SVOPL: variants seen among roughly 807,000 people sequenced by gnomAD.
SVOPL encodes SVOP like, also known as putative transporter SVOPL.
A neutral mutation model predicts 61.0 loss-of-function variants in SVOPL; 60 were observed. The ratio of observed to expected loss-of-function variants is 0.98; its 90% CI spans 0.80 to 1.22. The LOEUF (loss-of-function observed/expected upper bound fraction) is 1.22. Among genes scored for constraint, SVOPL ranks in the 50% most tolerant of loss-of-function variants. SVOPL has a pLI of 0.00. For missense variants in SVOPL, 662 were observed against 643.9 expected (o/e 1.03, Z -0.30); for synonymous variants, 279 against 250.0 (o/e 1.12, Z -1.09).
chr7:138,606,806 G>A (rs1040717294), intron 14 of SVOPL, among the ~76,000 whole-genome samples: 3 of 151,864 alleles, frequency 2.0e-5, no homozygotes, highest in Non-Finnish European at 2.9e-5. Context: ...ATACAAAAAT[G>A]AGCCGGGCGT....
intron 1 of SVOPL, among the ~76,000 whole-genome samples, chr7:138,699,907 C>A (rs1803153099): frequency 6.6e-6 from 1 of 152,118 alleles, no homozygotes; most frequent in Non-Finnish European, 1.5e-5. Flanking sequence ...GGGAATTTGC[C>A]AAGAGGGGGA....
intron 6 of SVOPL, among the ~76,000 whole-genome samples, chr7:138,658,029 G>A (rs1012893104): frequency 1.3e-5 from 2 of 152,224 alleles, no homozygotes; most frequent in Non-Finnish European, 2.9e-5. Context: ...ATAATAAGCA[G>A]TGAAGACAAT....
rs549493779 is a variant in SVOPL at position 138,671,911 on chromosome 7, A to G, written c.273+108T>C. ...TGCAAACCCTTGAGTTTTGGAAGCC[A>G]ACAGTGGCAGTGGTGAGACACCCTT... On this transcript the variant is annotated intron_variant, in intron 4 of 15. Coordinates refer to ENST00000674285, the MANE Select transcript of SVOPL (RefSeq NM_001139456.2). 2.0e-4 allele frequency: 189 copies of G among 954,850 alleles called. No homozygotes were observed. In the African/African-American group the frequency reaches 2.5e-3, roughly 13 times the overall value. The allele number at this position is 954,850 out of a possible 1,614,324, so 59.1% of individuals were successfully genotyped here. A position where few individuals can be genotyped will look rare whatever the true frequency, so the allele number is the denominator to read the frequency against.
intron 15 of SVOPL, among the ~76,000 whole-genome samples, 162 bp downstream of exon 15, chr7:138,596,255 C>A (rs1443338043): frequency 1.3e-5 from 2 of 150,142 alleles, no homozygotes; most frequent in Non-Finnish European, 3.0e-5. Flanking sequence ...ACAACTGTTA[C>A]TAGAAAAACA....
chr7:138,637,778 G>A (rs923549338), intron 9 of SVOPL, among the ~76,000 whole-genome samples: 2 of 150,596 alleles, frequency 1.3e-5, no homozygotes, highest in African/African-American at 2.4e-5. Context: ...ATGGTGAAAC[G>A]CCATCTCTAC....
chr7:138,607,061 T>C (rs973079307), intron 14 of SVOPL, among the ~76,000 whole-genome samples: 1 of 150,110 alleles, frequency 6.7e-6, no homozygotes, highest in African/African-American at 2.4e-5. Flanking sequence ...ATACAATAAG[T>C]GATATGAAGG....
chr7:138,621,970 CTA>C (rs1584792677), intron 13 of SVOPL, among the ~76,000 whole-genome samples: 3 of 35,246 alleles, frequency 8.5e-5, no homozygotes, highest in Non-Finnish European at 1.1e-4. Flanking sequence ...ATGTATCTAT[CTA>C]TGTATCTATC....
At chr7:138,596,886 C>G (rs1421943444) in intron 14 of SVOPL, 1 of 1,089,102 alleles carries the variant, frequency 9.2e-7, no homozygotes, top group African/African-American at 1.7e-5. Flanking sequence ...TTCTAACTCT[C>G]ACTTCATGCT....
At chr7:138,653,664 T>C (rs1023933072) in intron 7 of SVOPL, among the ~76,000 whole-genome samples, 1 of 151,922 alleles carries the variant, frequency 6.6e-6, no homozygotes, top group Non-Finnish European at 1.5e-5. Flanking sequence ...GGGCCGGGCA[T>C]GGCGGCTCAG....
chr7:138,630,431 G>A (rs1057292717), intron 9 of SVOPL, among the ~76,000 whole-genome samples: 1 of 152,052 alleles, frequency 6.6e-6, no homozygotes. Flanking sequence ...GATGGTAGGA[G>A]GAAACATGAA....
intron 14 of SVOPL, among the ~76,000 whole-genome samples, chr7:138,616,173 C>G (rs1364394999): frequency 6.6e-6 from 1 of 152,152 alleles, no homozygotes; most frequent in Non-Finnish European, 1.5e-5. Flanking sequence ...TTTTTATAAG[C>G]CACCCAGAGT....
chr7:138,683,622 G>A (rs1277226061), intron 1 of SVOPL, among the ~76,000 whole-genome samples: 2 of 152,044 alleles, frequency 1.3e-5, no homozygotes, highest in Non-Finnish European at 2.9e-5. Context: ...ACCCGCCTTG[G>A]CCTCCCAAAG....
chr7:138,669,211 G>A (rs1802353741), intron 4 of SVOPL, among the ~76,000 whole-genome samples: 1 of 152,186 alleles, frequency 6.6e-6, no homozygotes, highest in Admixed American at 6.6e-5. Flanking sequence ...AACACTTTGA[G>A]AGGCCTAGGC....
chr7:138,668,568 C>T (rs923388779), intron 4 of SVOPL, among the ~76,000 whole-genome samples: 3 of 152,120 alleles, frequency 2.0e-5, no homozygotes, highest in African/African-American at 7.2e-5. Flanking sequence ...AACTGGAATC[C>T]AAACTTCCCA....
chr7:138,698,348 G>A (rs1359672385), intron 1 of SVOPL, among the ~76,000 whole-genome samples: 1 of 152,210 alleles, frequency 6.6e-6, no homozygotes, highest in Non-Finnish European at 1.5e-5. Flanking sequence ...AGTGGCCACT[G>A]AGATGCAGGT....
chr7:138,640,175 T>C (rs1356691125), intron 9 of SVOPL, among the ~76,000 whole-genome samples: 1 of 151,940 alleles, frequency 6.6e-6, no homozygotes, highest in Non-Finnish European at 1.5e-5. Flanking sequence ...TGAGAGAAAA[T>C]AGAATTTAAG....
At chr7:138,659,786 A>T in intron 6 of SVOPL, 78 bp downstream of exon 6, 2 of 1,392,866 alleles carry the variant, frequency 1.4e-6, no homozygotes, top group South Asian at 1.3e-5. Flanking sequence ...CTTTTGGTCT[A>T]TTAAGCGCAG....
rs34233604 is a variant in SVOPL at position 138,641,926 on chromosome 7, TACAC to T, written c.789+2787_789+2790del. Among the ~76,000 whole-genome samples, 528 of 146,004 alleles carry T rather than the reference TACAC, an allele frequency of 3.6e-3. 7 individuals are homozygous for T. The highest frequency in any genetic ancestry group is 0.02 in the South Asian group (93 of 4,654). The stretch of plus-strand genomic sequence containing the variant: ...GTCAATGAGTATATATGTATGTGTA[TACAC>T]ACACACACACACACACACACGTACA... On this transcript the variant is annotated intron_variant, in intron 9 of 15. Transcript: ENST00000674285.
intron 1 of SVOPL, among the ~76,000 whole-genome samples, chr7:138,686,435 A>G (rs1220703496): frequency 2.7e-5 from 4 of 149,006 alleles, no homozygotes; most frequent in Admixed American, 2.7e-4. Context: ...AAAAGAAGCC[A>G]GAGAACAGCT....
Sources: allele counts gnomAD v4.1 joint callset (sites outside exome capture counted in the v4.1 genomes callset), GRCh38; gene constraint gnomAD v4.1.1; transcripts MANE v1.5; gene names NCBI Gene and HGNC (gene_info 2026-07-23, HGNC 2026-07-21).